Variants in GRIN2B observed in about 807,000 individuals in gnomAD.
GRIN2B encodes glutamate ionotropic receptor NMDA type subunit 2B.
A neutral mutation model predicts 114.5 loss-of-function variants in GRIN2B; 5 were observed. The observed-to-expected ratio is 0.04, with a 90% CI of 0.02 to 0.09. GRIN2B has a LOEUF of 0.09. GRIN2B is among the 10% of genes least tolerant of loss of function. The pLI is 1.00. For missense variants in GRIN2B, 1,108 were observed against 1,943.5 expected (o/e 0.57, Z 8.08); for synonymous variants, 787 against 745.1 (o/e 1.06, Z -0.92).
intron 2 of GRIN2B, among the ~76,000 whole-genome samples, chr12:13,925,689 G>A (rs1379050257): frequency 6.6e-6 from 1 of 151,952 alleles, no homozygotes; most frequent in Non-Finnish European, 1.5e-5. Context: ...AAGCCCAATA[G>A]TCACCTTACT....
chr12:13,905,123 CTT>C (rs1468554684), intron 2 of GRIN2B, among the ~76,000 whole-genome samples: 1 of 152,096 alleles, frequency 6.6e-6, no homozygotes, highest in Non-Finnish European at 1.5e-5. Context: ...GTAGAATAAA[CTT>C]TTTCTCATGA....
At chr12:13,734,059 C>A (rs1035401435) in intron 4 of GRIN2B, among the ~76,000 whole-genome samples, 1 of 152,104 alleles carries the variant, frequency 6.6e-6, no homozygotes, top group Non-Finnish European at 1.5e-5. Flanking sequence ...CAGTTCCTTT[C>A]GGAAAGTAAT....
At position 13,936,003 on chromosome 12, in the gene GRIN2B, C is replaced by T. The variant is rs78181082; in HGVS notation, c.-19+43925G>A. Among the ~76,000 whole-genome samples, 1,058 of 152,250 alleles carry T rather than the reference C, an allele frequency of 6.9e-3. 16 individuals are homozygous for T. The highest frequency in any genetic ancestry group is 0.024 in the African/African-American group (994 of 41,528). ...GTCAAAGCATAACACAGTGGCTGCACTGTGCTGAGGAGGCAGAGGTCATAG... is the reference window on the plus strand; with the variant it reads ...GTCAAAGCATAACACAGTGGCTGCATTGTGCTGAGGAGGCAGAGGTCATAG... On this transcript the variant is annotated intron_variant, in intron 2 of 13. Coordinates refer to ENST00000609686, the MANE Select transcript of GRIN2B (RefSeq NM_000834.5).
At chr12:13,847,141 T>C (rs1865485030) in intron 3 of GRIN2B, among the ~76,000 whole-genome samples, 1 of 152,204 alleles carries the variant, frequency 6.6e-6, no homozygotes, top group Admixed American at 6.5e-5. Context: ...GAGCTCAAAC[T>C]CTTTTTCAAT....
chr12:13,563,519 A>C lies in GRIN2B; in HGVS notation c.3719T>G (p.Ile1240Ser). 2 of 1,613,990 alleles carry C rather than the reference A, an allele frequency of 1.2e-6. No individual in the cohort carries two copies. Among genetic ancestry groups the C allele is most frequent in the Non-Finnish European group, 1.7e-6 (2 of 1,180,004 alleles). The part of the protein sequence containing the change: ...TGQNSGRQAC[I>S]RCEACKKAGN... Reference sequence around the variant, plus strand: ...TGCTTTCTTGCAAGCCTCACACCGGATGCACGCCTGCCTGCCCGAGTTCTG... The same window carrying C: ...TGCTTTCTTGCAAGCCTCACACCGGCTGCACGCCTGCCTGCCCGAGTTCTG... The change falls in exon 14 of 14, where the codon ATC becomes AGC. Residue 1240 changes from isoleucine (I) to serine (S), a missense_variant. Physicochemically the swap from Ile to Ser is moderately radical, Grantham distance 142. Transcript: ENST00000609686.
At chr12:13,896,359 G>C (rs919872973) in intron 2 of GRIN2B, among the ~76,000 whole-genome samples, 4 of 152,200 alleles carry the variant, frequency 2.6e-5, no homozygotes, top group Non-Finnish European at 5.9e-5. Context: ...ATTTGGAATA[G>C]ACTCAAGAAG....
chr12:13,741,617 A>G (rs1457474008), intron 4 of GRIN2B, among the ~76,000 whole-genome samples: 1 of 152,146 alleles, frequency 6.6e-6, no homozygotes, highest in African/African-American at 2.4e-5. Flanking sequence ...GTGCAGTGGC[A>G]TGATCATGGC....
chr12:13,666,887 G>T (rs1949981181), intron 5 of GRIN2B, among the ~76,000 whole-genome samples: 1 of 152,202 alleles, frequency 6.6e-6, no homozygotes, highest in Non-Finnish European at 1.5e-5. Context: ...CTTAGCTAAA[G>T]TCAATATGCT....
intron 1 of GRIN2B, 111 bp from the exon 2 acceptor site, chr12:13,980,467 C>T (rs775370763): frequency 6.6e-6 from 1 of 152,094 alleles, no homozygotes; most frequent in Non-Finnish European, 1.5e-5. Flanking sequence ...GGGGAGGAAA[C>T]CCCGCATTTC....
At chr12:13,786,387 C>T (rs182984936) in intron 3 of GRIN2B, among the ~76,000 whole-genome samples, 3 of 152,232 alleles carry the variant, frequency 2.0e-5, no homozygotes, top group East Asian at 1.9e-4. Context: ...CTGGGACCAC[C>T]GATGCCTTAA....
At chr12:13,603,292 TA>T (rs1399541270) in intron 10 of GRIN2B, among the ~76,000 whole-genome samples, 1 of 152,126 alleles carries the variant, frequency 6.6e-6, no homozygotes, top group African/African-American at 2.4e-5. Flanking sequence ...TACATGTTAG[TA>T]GGGGGAAAGG....
At chr12:13,969,674 T>A (rs1867844329) in intron 2 of GRIN2B, among the ~76,000 whole-genome samples, 1 of 152,244 alleles carries the variant, frequency 6.6e-6, no homozygotes, top group African/African-American at 2.4e-5. Flanking sequence ...GATTACATAA[T>A]TCCAGGACCT....
intron 2 of GRIN2B, among the ~76,000 whole-genome samples, chr12:13,885,572 T>A (rs1866141734): frequency 6.6e-6 from 1 of 152,114 alleles, no homozygotes; most frequent in Non-Finnish European, 1.5e-5. Flanking sequence ...CTGCCTATAA[T>A]CCAAATCCTG....
chr12:13,952,904 C>G (rs1175639947), intron 2 of GRIN2B, among the ~76,000 whole-genome samples: 1 of 151,096 alleles, frequency 6.6e-6, no homozygotes, highest in Non-Finnish European at 1.5e-5. Context: ...AACAAACCAC[C>G]CCAAAACTTG....
intron 5 of GRIN2B, among the ~76,000 whole-genome samples, chr12:13,632,417 G>A (rs1311180656): frequency 6.6e-6 from 1 of 152,238 alleles, no homozygotes; most frequent in Non-Finnish European, 1.5e-5. Context: ...CCAATATTAA[G>A]TGTAATGTGT....
At chr12:13,757,871 G>T (rs1863606608) in intron 3 of GRIN2B, among the ~76,000 whole-genome samples, 1 of 152,142 alleles carries the variant, frequency 6.6e-6, no homozygotes, top group South Asian at 2.1e-4. Context: ...ATCTGCCTCA[G>T]AAAATAATTG....
chr12:13,679,673 T>C (rs899302077), intron 4 of GRIN2B, among the ~76,000 whole-genome samples: 1 of 152,202 alleles, frequency 6.6e-6, no homozygotes, highest in African/African-American at 2.4e-5. Context: ...TTTCTTGTGG[T>C]GTGAGAACAT....
chr12:13,547,651 C>T lies in GRIN2B; in HGVS notation c.*15132G>A, dbSNP rs538299931. On this transcript the variant is annotated 3_prime_UTR_variant, in exon 14 of 14. Coordinates refer to ENST00000609686, the MANE Select transcript of GRIN2B (RefSeq NM_000834.5). The stretch of plus-strand genomic sequence containing the variant: ...TTTGTTCTTGGTCTTAGTTGTCTCC[C>T]TAGGAGAAGCAGCTCTTTTCCATCC... 120 of 152,176 alleles carry T rather than the reference C, an allele frequency of 7.9e-4. 1 individual carries two copies. The highest frequency in any genetic ancestry group is 2.8e-3 in the African/African-American group (118 of 41,530). 9.4% of individuals were successfully genotyped at this position (152,176 alleles called of 1,614,324 possible). A position where few individuals can be genotyped will look rare whatever the true frequency, so the allele number is the denominator to read the frequency against.
At chr12:13,868,173 GTC>G (rs1184717199) in intron 2 of GRIN2B, among the ~76,000 whole-genome samples, 2 of 152,180 alleles carry the variant, frequency 1.3e-5, no homozygotes, top group Middle Eastern at 3.4e-3. Context: ...TGATTGCCTT[GTC>G]TCTCTCTCAC....
Sources: allele counts gnomAD v4.1 joint callset (sites outside exome capture counted in the v4.1 genomes callset), GRCh38; gene constraint gnomAD v4.1.1; transcripts MANE v1.5; gene names NCBI Gene and HGNC (gene_info 2026-07-23, HGNC 2026-07-21).